KIF1B: variants seen among roughly 807,000 people sequenced by gnomAD.
KIF1B encodes the protein kinesin family member 1B.
Under a neutral mutation model 241.9 loss-of-function variants are expected in KIF1B, and 76 were observed. That is an observed-to-expected ratio of 0.31 (90% CI 0.26 to 0.38). KIF1B has a LOEUF of 0.38. Ranked by LOEUF, KIF1B falls within the 10% of genes least tolerant of loss-of-function variation. The pLI is 1.00. For missense variants in KIF1B, 1,622 were observed against 2,271.4 expected (o/e 0.71, Z 5.81); for synonymous variants, 750 against 796.7 (o/e 0.94, Z 0.99).
intron 2 of KIF1B, among the ~76,000 whole-genome samples, chr1:10,233,233 A>T (rs1366404071): frequency 6.6e-6 from 1 of 152,232 alleles, no homozygotes; most frequent in Non-Finnish European, 1.5e-5. Flanking sequence ...CCCACATTTC[A>T]GGTAGTTCAC....
At chr1:10,348,201 A>G (rs956924320) in intron 36 of KIF1B, among the ~76,000 whole-genome samples, 2 of 152,218 alleles carry the variant, frequency 1.3e-5, no homozygotes, top group Non-Finnish European at 2.9e-5. Context: ...TCAATGGACT[A>G]AAAATCTGGT....
chr1:10,237,769 G>A (rs966481912), intron 2 of KIF1B, among the ~76,000 whole-genome samples: 1 of 152,180 alleles, frequency 6.6e-6, no homozygotes, highest in African/African-American at 2.4e-5. Context: ...TACTTTGGGA[G>A]GCTGAGGCAG....
At chr1:10,275,334 T>C (rs1431033232) in intron 10 of KIF1B, 94 bp from the exon 11 acceptor site, 3 of 752,472 alleles carry the variant, frequency 4.0e-6, no homozygotes, top group Admixed American at 1.9e-5. Flanking sequence ...TGTACTGTAA[T>C]TTAATTTACT....
chr1:10,256,824 G>A (rs1291993537), intron 3 of KIF1B, among the ~76,000 whole-genome samples: 1 of 151,936 alleles, frequency 6.6e-6, no homozygotes, highest in Non-Finnish European at 1.5e-5. Flanking sequence ...CGATTCTCCC[G>A]CCTCAGCCTC....
intron 35 of KIF1B, among the ~76,000 whole-genome samples, chr1:10,346,432 T>G (rs1437080401): frequency 6.6e-6 from 1 of 152,104 alleles, no homozygotes; most frequent in Non-Finnish European, 1.5e-5. Context: ...TGGCGCGATC[T>G]CAGCTCACTG....
At chr1:10,238,446 G>A (rs1647087410) in intron 2 of KIF1B, among the ~76,000 whole-genome samples, 1 of 148,226 alleles carries the variant, frequency 6.7e-6, no homozygotes, top group African/African-American at 2.5e-5. Flanking sequence ...ACTCATACCT[G>A]TAATCTCAGC....
intron 40 of KIF1B, among the ~76,000 whole-genome samples, chr1:10,362,120 C>T (rs1407697624): frequency 6.6e-6 from 1 of 152,138 alleles, no homozygotes; most frequent in Non-Finnish European, 1.5e-5. Context: ...TAACAGAGTA[C>T]CATTGAAATT....
intron 4 of KIF1B, among the ~76,000 whole-genome samples, chr1:10,261,585 A>G (rs1204661674): frequency 6.6e-6 from 1 of 152,172 alleles, no homozygotes; most frequent in Non-Finnish European, 1.5e-5. Flanking sequence ...TTTTTGTTAA[A>G]AACTTAGGCA....
chr1:10,374,391 A>G lies in KIF1B; in HGVS notation c.5022A>G (p.Glu1674=), dbSNP rs768715079. The G allele has an allele frequency of 6.2e-7, 1 of 1,614,216 alleles. No individual in the cohort carries two copies. The highest frequency in any genetic ancestry group is 1.7e-5 in the Admixed American group (1 of 60,026). Residue 1674 remains glutamate, a synonymous_variant, in exon 46 of 49, where the codon GAA becomes GAG. Coordinates refer to ENST00000676179, the MANE Select transcript of KIF1B (RefSeq NM_001365951.3). This position sits in a 1 kb window ranked among gnomAD's most constrained non-coding sequence, Gnocchi z 4.3. ...FEQFQIVPAV[E]TPYLARAGKN... Reference sequence around the variant, plus strand: ...AGTTTCAGATTGTCCCAGCTGTGGAAACACCATATTTGGCCCGAGCAGGAA... The same window carrying G: ...AGTTTCAGATTGTCCCAGCTGTGGAGACACCATATTTGGCCCGAGCAGGAA...
chr1:10,380,874 C>CT lies in KIF1B; in HGVS notation c.*4289dup. 4.6e-6 allele frequency: 1 copy of CT among 218,668 alleles called. No individual in the cohort carries two copies. The allele number at this position is 218,668 out of a possible 1,614,324, so 13.5% of individuals were successfully genotyped here. Reference sequence around the variant, plus strand: ...GCAGGAATGTTTTAATTTGTGCTTCCTTAGTAAATTGAAATATCAGCTGAG... The same window carrying CT: ...GCAGGAATGTTTTAATTTGTGCTTCCTTTAGTAAATTGAAATATCAGCTGAG... On this transcript the variant is annotated 3_prime_UTR_variant, in exon 49 of 49. Coordinates refer to ENST00000676179, the MANE Select transcript of KIF1B (RefSeq NM_001365951.3).
chr1:10,259,504 AATTTTTTTT>A, intron 4 of KIF1B, among the ~76,000 whole-genome samples: 1 of 138,538 alleles, frequency 7.2e-6, no homozygotes, highest in African/African-American at 2.6e-5. Context: ...AAAAAAAAAA[AATTTTTTTT>A]TTTTTTTGAG....
At chr1:10,266,219 A>G (rs1394282948) in intron 5 of KIF1B, among the ~76,000 whole-genome samples, 1 of 152,236 alleles carries the variant, frequency 6.6e-6, no homozygotes, top group African/African-American at 2.4e-5. Context: ...TTACTTTACC[A>G]TGAGAAATAA....
At chr1:10,246,817 A>C (rs1328949118) in intron 2 of KIF1B, among the ~76,000 whole-genome samples, 1 of 152,182 alleles carries the variant, frequency 6.6e-6, no homozygotes, top group Non-Finnish European at 1.5e-5. Context: ...CCCTCTGCTT[A>C]AAATTCTTCA....
intron 34 of KIF1B, among the ~76,000 whole-genome samples, chr1:10,344,070 C>G (rs1227140630): frequency 6.6e-6 from 1 of 152,186 alleles, no homozygotes; most frequent in Admixed American, 6.5e-5. Context: ...TCTGTATTCC[C>G]CATCTTCATC....
intron 24 of KIF1B, among the ~76,000 whole-genome samples, chr1:10,323,303 A>G (rs1330076651): frequency 1.3e-5 from 2 of 152,262 alleles, no homozygotes; most frequent in East Asian, 1.9e-4. Flanking sequence ...TAAATTCTAT[A>G]AAAGTCTTCA....
intron 1 of KIF1B, among the ~76,000 whole-genome samples, chr1:10,214,172 G>A (rs1214701707): frequency 6.6e-6 from 1 of 152,072 alleles, no homozygotes; most frequent in Non-Finnish European, 1.5e-5. Flanking sequence ...TTTGGTTAAC[G>A]GGCCACTGAT....
chr1:10,244,969 A>T (rs955379770), intron 2 of KIF1B, among the ~76,000 whole-genome samples: 1 of 152,184 alleles, frequency 6.6e-6, no homozygotes, highest in Non-Finnish European at 1.5e-5. Context: ...TGTGCTGAAG[A>T]TGTCACTGGG....
intron 2 of KIF1B, among the ~76,000 whole-genome samples, chr1:10,250,912 T>A (rs1647403727): frequency 6.6e-6 from 1 of 152,108 alleles, no homozygotes; most frequent in Non-Finnish European, 1.5e-5. Context: ...CGTGTAATCC[T>A]AGCAATTTGG....
At chr1:10,371,615 AT>A (rs1412192129) in intron 45 of KIF1B, among the ~76,000 whole-genome samples, 1 of 152,358 alleles carries the variant, frequency 6.6e-6, no homozygotes, top group South Asian at 2.1e-4. Flanking sequence ...TTGGAAAAAA[AT>A]ATTTTGATTC....
Sources: allele counts gnomAD v4.1 joint callset (sites outside exome capture counted in the v4.1 genomes callset), GRCh38; gene constraint gnomAD v4.1.1; non-coding constraint Gnocchi (gnomAD v3.1); transcripts MANE v1.5; gene names NCBI Gene and HGNC (gene_info 2026-07-23, HGNC 2026-07-21).